Variants in MKRN1 observed in about 807,000 individuals in gnomAD.
MKRN1 encodes E3 ubiquitin-protein ligase makorin-1.
A neutral mutation model predicts 55.5 loss-of-function variants in MKRN1; 9 were observed. The observed-to-expected ratio is 0.16, with a 90% confidence interval of 0.10 to 0.28. MKRN1 has a LOEUF of 0.28. Among genes scored for constraint, MKRN1 ranks in the 10% least tolerant of loss-of-function variants. MKRN1 has a pLI of 1.00. For missense variants in MKRN1, 488 were observed against 626.7 expected, an observed-to-expected ratio of 0.78 and a Z score of 2.36; for synonymous variants, 253 against 235.9, an observed-to-expected ratio of 1.07 and a Z score of -0.66.
intron 2 of MKRN1, among the ~76,000 whole-genome samples, chr7:140,461,209 A>C (rs1230902749): frequency 1.3e-5 from 2 of 152,232 alleles, no homozygotes; most frequent in Non-Finnish European, 2.9e-5. Context: ...CAATATGTAC[A>C]TTCTTTTTCT....
In MKRN1 at chr7:140,456,865, G is replaced by A. The variant is rs749797587; in HGVS notation, c.773C>T (p.Ser258Leu). 53 of 1,613,088 alleles carry A rather than the reference G, an allele frequency of 3.3e-5. No homozygotes were observed. Among genetic ancestry groups the A allele is most frequent in the Non-Finnish European group, 4.0e-5 (47 of 1,179,552 alleles). Residue 258 changes from serine (S) to leucine (L), a missense_variant and splice_region_variant, in exon 5 of 8, where the codon TCG becomes TTG. Around this residue, in one of 2 missense-constraint regions of MKRN1, gnomAD observed 278 missense variants for 406.7 expected, o/e 0.68. Coordinates refer to ENST00000255977, the MANE Select transcript of MKRN1 (RefSeq NM_013446.4). ...GTCCTTCTCATGGGCCTCAATGCACGACTAGAGAAGGTGGAGAGAGAACAA... is the reference window on the plus strand; with the variant it reads ...GTCCTTCTCATGGGCCTCAATGCACAACTAGAGAAGGTGGAGAGAGAACAA... ...DAAQRSQHIK[S>L]CIEAHEKDME...
At chr7:140,465,705 A>G (rs750654604) in intron 2 of MKRN1, among the ~76,000 whole-genome samples, 1 of 152,180 alleles carries the variant, frequency 6.6e-6, no homozygotes, top group Non-Finnish European at 1.5e-5. Flanking sequence ...GCTATCCTTC[A>G]TTATCAATGA....
intron 7 of MKRN1, 21 bp from the exon 8 acceptor site, chr7:140,454,750 A>G (rs1378670967): frequency 6.2e-7 from 1 of 1,606,610 alleles, no homozygotes; most frequent in Non-Finnish European, 8.5e-7. Context: ...CAAGGCCATG[A>G]TAGGGATGGC....
At chr7:140,456,910 C>A (rs774904230) in intron 4 of MKRN1, 44 bp from the exon 5 acceptor site, 2 of 1,565,674 alleles carry the variant, frequency 1.3e-6, no homozygotes, top group Non-Finnish European at 8.7e-7. Flanking sequence ...AGTCATTGAA[C>A]CCTGAAAAAC....
intron 2 of MKRN1, among the ~76,000 whole-genome samples, chr7:140,470,140 G>C (rs56059991): frequency 6.7e-6 from 1 of 149,386 alleles, no homozygotes; most frequent in South Asian, 2.1e-4. Flanking sequence ...AGAATCTCTC[G>C]AACGCGGGAG....
chr7:140,465,479 A>G (rs1794740612), intron 2 of MKRN1, among the ~76,000 whole-genome samples: 1 of 152,162 alleles, frequency 6.6e-6, no homozygotes, highest in Admixed American at 6.6e-5. Context: ...TCTAAAAAAA[A>G]AGAAAGAAGT....
chr7:140,455,296 T>A, intron 6 of MKRN1, 63 bp from the exon 7 acceptor site: 3 of 1,596,762 alleles, frequency 1.9e-6, no homozygotes, highest in Non-Finnish European at 2.6e-6. Flanking sequence ...TTGACTATCA[T>A]CCGGGGTTTC....
At chr7:140,477,024 G>C (rs577780914) in intron 1 of MKRN1, among the ~76,000 whole-genome samples, 48 of 151,594 alleles carry the variant, frequency 3.2e-4, no homozygotes, top group African/African-American at 1.1e-3. Context: ...ATTAAACCTG[G>C]GAGGCGGGGG....
chr7:140,456,046 C>G, intron 5 of MKRN1, 146 bp from the exon 6 acceptor site: 1 of 927,536 alleles, frequency 1.1e-6, no homozygotes. Flanking sequence ...CATACTGTCA[C>G]ACAACTGACC....
At chr7:140,465,645 C>A (rs1794744354) in intron 2 of MKRN1, among the ~76,000 whole-genome samples, 1 of 152,128 alleles carries the variant, frequency 6.6e-6, no homozygotes, top group Non-Finnish European at 1.5e-5. Flanking sequence ...AAAGCACCAC[C>A]ATTACGAAAC....
At chr7:140,472,297 G>C (rs1289629565) in intron 1 of MKRN1, 1 of 350,278 alleles carries the variant, frequency 2.9e-6, no homozygotes, top group African/African-American at 2.1e-5. Context: ...TGGCTGGTGT[G>C]GTGGCACACA....
chr7:140,471,360 C>G (rs1244935823), intron 2 of MKRN1, among the ~76,000 whole-genome samples: 1 of 151,920 alleles, frequency 6.6e-6, no homozygotes, highest in Admixed American at 6.6e-5. Flanking sequence ...CTGGGCAACA[C>G]AGTAAGACCC....
Position 140,459,924 on chromosome 7 carries a change from G to A in MKRN1, c.327C>T (p.Ser109=). The change falls in exon 3 of 8, where the codon AGC becomes AGT. Residue 109 remains serine, a synonymous_variant. Coordinates refer to ENST00000255977, the MANE Select transcript of MKRN1 (RefSeq NM_013446.4). The part of the protein sequence containing the change: ...IYGDRCRYEH[S]KPLKQEEATA... ...TTGCTTCTTCCTGTTTCAATGGTTTGCTATGTTCATATCTAAGAAAAAATT... is the reference window on the plus strand; with the variant it reads ...TTGCTTCTTCCTGTTTCAATGGTTTACTATGTTCATATCTAAGAAAAAATT... 1 of 1,613,662 alleles carries A rather than the reference G, an allele frequency of 6.2e-7. No homozygotes were observed. The highest frequency in any genetic ancestry group is 8.5e-7 in the Non-Finnish European group (1 of 1,179,688).
rs1304991375 is a variant in MKRN1, at chr7:140,455,787, T to C, written c.1097+3A>G. On this transcript the variant is annotated splice_donor_region_variant and intron_variant, in intron 6 of 7. Coordinates refer to ENST00000255977, the MANE Select transcript of MKRN1 (RefSeq NM_013446.4). ...GCTTGAGAAAAGGCTGCAGTGCTCA[T>C]ACCTCATTGCCTCCTTGTATTTCAG... The C allele has an allele frequency of 1.9e-6, 3 of 1,606,284 alleles. No homozygotes were observed. The highest frequency in any genetic ancestry group is 3.3e-5 in the Admixed American group (2 of 59,986).
intron 2 of MKRN1, 24 bp from the exon 3 acceptor site, chr7:140,459,960 CA>C: frequency 6.3e-7 from 1 of 1,589,442 alleles, no homozygotes; most frequent in Non-Finnish European, 8.6e-7. Context: ...CAAAAGTAAG[CA>C]GTCGGCCAGT....
chr7:140,461,177 G>A (rs1794605769), intron 2 of MKRN1, among the ~76,000 whole-genome samples: 1 of 152,228 alleles, frequency 6.6e-6, no homozygotes, highest in African/African-American at 2.4e-5. Flanking sequence ...TTAAAAGGTA[G>A]AGACAATATT....
At position 140,456,289 on chromosome 7, in the gene MKRN1, T is replaced by C. The variant is rs1159723939; in HGVS notation, c.986+363A>G. 6.0e-6 allele frequency: 7 copies of C among 1,168,296 alleles called. No homozygotes were observed. In the African/African-American group the frequency reaches 9.5e-5, roughly 16 times the overall value. 72.4% of individuals were successfully genotyped at this position (1,168,296 alleles called of 1,614,324 possible). A position where few individuals can be genotyped will look rare whatever the true frequency, so the allele number is the denominator to read the frequency against. On this transcript the variant is annotated intron_variant, in intron 5 of 7. Transcript: ENST00000255977. ...ACAATCTTTAAAGGATGGTGGATTG[T>C]TGGCTAGCTTAATGAATGGAATAGG...
intron 2 of MKRN1, among the ~76,000 whole-genome samples, chr7:140,462,876 GAAT>G (rs35688062): frequency 1.3e-4 from 20 of 152,280 alleles, no homozygotes; most frequent in African/African-American, 4.8e-4. Flanking sequence ...TGAGGCACAA[GAAT>G]CACTTGAACC....
At chr7:140,477,695 C>T (rs1458819168) in intron 1 of MKRN1, among the ~76,000 whole-genome samples, 3 of 152,086 alleles carry the variant, frequency 2.0e-5, no homozygotes, top group East Asian at 1.9e-4. Flanking sequence ...TTACCTCAGG[C>T]GATCCGCCCG....
Sources: allele counts gnomAD v4.1 joint callset (sites outside exome capture counted in the v4.1 genomes callset), GRCh38; gene constraint gnomAD v4.1.1; regional missense constraint gnomAD v4.1.1; transcripts MANE v1.5; gene names NCBI Gene and HGNC (gene_info 2026-07-23, HGNC 2026-07-21).